Variants in TGIF1 observed in about 807,000 individuals in gnomAD.
TGIF1 encodes TGFB induced factor homeobox 1.
A neutral mutation model predicts 19.3 loss-of-function variants in TGIF1; 4 were observed. The observed-to-expected ratio is 0.21, with a 90% CI of 0.10 to 0.47. The LOEUF (loss-of-function observed/expected upper bound fraction) is 0.47, where lower values mean the gene tolerates loss of function less well. Ranked by LOEUF, TGIF1 falls within the 20% of genes least tolerant of loss-of-function variation. TGIF1 has a pLI of 0.98. For synonymous variants in TGIF1, 122 were observed against 129.3 expected, an observed-to-expected ratio of 0.94 and a Z score of 0.38; for missense variants, 275 against 341.4, an observed-to-expected ratio of 0.81 and a Z score of 1.53.
intron 2 of TGIF1, chr18:3,418,629 A>C (rs2082362386): frequency 6.6e-6 from 1 of 152,218 alleles, no homozygotes; most frequent in Non-Finnish European, 1.5e-5. Flanking sequence ...TTGAATCTGC[A>C]CATACAGAAC....
At chr18:3,445,544 G>A (rs1048160347), upstream of TGIF1, among the ~76,000 whole-genome samples, 3 of 151,296 alleles carry the variant, frequency 2.0e-5, no homozygotes, top group Non-Finnish European at 4.4e-5. Flanking sequence ...CTAACATGGT[G>A]AAACCCTGTC....
intron 1 of TGIF1, among the ~76,000 whole-genome samples, chr18:3,417,249 TC>T (rs1181361653): frequency 6.6e-6 from 1 of 152,140 alleles, no homozygotes; most frequent in African/African-American, 2.4e-5. Context: ...AACCTCCACT[TC>T]CCAGGTTCAA....
At chr18:3,449,615 G>A, upstream of TGIF1, 1 of 975,408 alleles carries the variant, frequency 1.0e-6, no homozygotes. Flanking sequence ...GGTGCGCCGC[G>A]CCGCGCCCGC....
In TGIF1 at chr18:3,450,457, C is replaced by A. The variant is rs238132; in HGVS notation, c.-33C>A. 240,339 of 1,554,452 alleles carry A rather than the reference C, an allele frequency of 0.15. 26,344 individuals carry two copies. The highest frequency in any genetic ancestry group is 0.58 in the African/African-American group (42,634 of 73,104). Reference sequence around the variant, plus strand: ...CCCGCTCCTGGCCCCTCCAGACCCCCGCCTTGCCTCGCGCTGGGAGGGGAG... The same window carrying A: ...CCCGCTCCTGGCCCCTCCAGACCCCAGCCTTGCCTCGCGCTGGGAGGGGAG... On this transcript the variant is annotated 5_prime_UTR_variant, in exon 1 of 3. Transcript: ENST00000343820.
At chr18:3,452,093 C>T (rs17852935) in intron 1 of TGIF1, 46 of 1,613,950 alleles carry the variant, frequency 2.9e-5, no homozygotes, top group Non-Finnish European at 3.8e-5. Flanking sequence ...CCGGGAATCC[C>T]CAGTGCTCCT....
At chr18:3,447,961 C>A (rs763343931), upstream of TGIF1, 7 of 878,892 alleles carry the variant, frequency 8.0e-6, no homozygotes, top group Non-Finnish European at 8.2e-6. Context: ...TTAGCCAAGT[C>A]CACTTGGACG....
intron 2 of TGIF1, among the ~76,000 whole-genome samples, chr18:3,437,874 G>T (rs557898987): frequency 6.6e-6 from 1 of 152,048 alleles, no homozygotes; most frequent in Non-Finnish European, 1.5e-5. Flanking sequence ...ACCTGAGGTC[G>T]GGAGTTCGAG....
rs1390743487 is a variant in TGIF1, at chr18:3,457,974, C to G, written c.*34C>G. On this transcript the variant is annotated 3_prime_UTR_variant, in exon 3 of 3. Coordinates refer to ENST00000343820, the MANE Select transcript of TGIF1 (RefSeq NM_003244.4). This position sits in a 1 kb window ranked among gnomAD's most constrained non-coding sequence, Gnocchi z 4.9. ...CAAGCAAAACAGTTCTCAGAAATGT[C>G]ATGATTGCCGGGGTGAAGGCAAGAG... 2 of 1,582,952 alleles carry G rather than the reference C, an allele frequency of 1.3e-6. No individual in the cohort carries two copies. Among genetic ancestry groups the G allele is most frequent in the Admixed American group, 3.3e-5 (2 of 59,958 alleles).
chr18:3,455,476 A>C (rs945987443), intron 1 of TGIF1: 52 of 152,202 alleles, frequency 3.4e-4, no homozygotes, highest in African/African-American at 1.1e-3. Context: ...TTTGTCATGT[A>C]ATCATTTAAG....
At chr18:3,437,999 G>A (rs576313415) in intron 2 of TGIF1, among the ~76,000 whole-genome samples, 24 of 152,062 alleles carry the variant, frequency 1.6e-4, no homozygotes, top group East Asian at 1.4e-3. Context: ...CAGGAGAATC[G>A]CTTGAACCCG....
At chr18:3,452,414 G>A (rs1359101622) in intron 1 of TGIF1, 22 of 1,612,834 alleles carry the variant, frequency 1.4e-5, no homozygotes, top group Non-Finnish European at 1.9e-5. Context: ...TTTGCGACTG[G>A]TTCAGGGCTC....
chr18:3,447,860 C>A, upstream of TGIF1: 1 of 1,586,426 alleles, frequency 6.3e-7, no homozygotes, highest in Admixed American at 1.7e-5. Flanking sequence ...TTGTCTCCGC[C>A]CCTCCCCCCT....
rs189835292 is a variant in TGIF1, at chr18:3,456,010, G to A, written c.17-344G>A. ...TTCCAACTGCCACAGCACCCTTCCT[G>A]TTTCAAATGTGGCAGGTTATTCATT... On this transcript the variant is annotated intron_variant, in intron 1 of 2. Coordinates refer to ENST00000343820, the MANE Select transcript of TGIF1 (RefSeq NM_003244.4). The surrounding 1 kb of genome is among the most constrained non-coding windows in gnomAD (Gnocchi z 4.2). 237 of 375,200 alleles carry A rather than the reference G, an allele frequency of 6.3e-4. No homozygotes were observed. The highest frequency in any genetic ancestry group is 4.8e-3 in the African/African-American group (232 of 47,972). 23.2% of individuals were successfully genotyped at this position (375,200 alleles called of 1,614,324 possible). A position where few individuals can be genotyped will look rare whatever the true frequency, so the allele number is the denominator to read the frequency against.
intron 1 of TGIF1, chr18:3,452,513 G>A: frequency 7.4e-7 from 1 of 1,356,220 alleles, no homozygotes; most frequent in Non-Finnish European, 1.0e-6. Flanking sequence ...GCAGGCCTCT[G>A]AGAAGGTGGG....
chr18:3,430,671 A>ATT (rs759165103), intron 2 of TGIF1, among the ~76,000 whole-genome samples: 180 of 130,352 alleles, frequency 1.4e-3, no homozygotes, highest in Middle Eastern at 8.4e-3. Flanking sequence ...CACCCGGCTA[A>ATT]TTTTTTTTTT....
chr18:3,427,057 C>T (rs2143168984), intron 2 of TGIF1, among the ~76,000 whole-genome samples: 2 of 152,050 alleles, frequency 1.3e-5, no homozygotes, highest in South Asian at 2.1e-4. Flanking sequence ...GATTCTCCTG[C>T]CTCAGCCTCC....
At chr18:3,440,653 A>C (rs2082669583) in intron 2 of TGIF1, among the ~76,000 whole-genome samples, 1 of 152,216 alleles carries the variant, frequency 6.6e-6, no homozygotes, top group Admixed American at 6.5e-5. Context: ...ATGCCTGCTC[A>C]GGTTTTTATA....
rs2083005789 is a variant in TGIF1, at chr18:3,452,521, G to A, written c.16+2016G>A. The A allele has an allele frequency of 7.6e-5, 98 of 1,291,408 alleles. 1 individual carries two copies. The South Asian group carries it at 1.2e-3, about 16-fold the overall frequency. 80.0% of individuals were successfully genotyped at this position (1,291,408 alleles called of 1,614,324 possible). ...GGGGTGGGCAGGCCTCTGAGAAGGT[G>A]GGATTCACGGCCTCATTTCTAGTTT... On this transcript the variant is annotated intron_variant, in intron 1 of 2. Transcript: ENST00000343820.
rs1269949615 is a variant in TGIF1, at chr18:3,450,464, C to T, written c.-26C>T. On this transcript the variant is annotated 5_prime_UTR_variant, in exon 1 of 3. Transcript: ENST00000343820. ...CTGGCCCCTCCAGACCCCCGCCTTG[C>T]CTCGCGCTGGGAGGGGAGATCCAGA... 3 of 1,556,126 alleles carry T rather than the reference C, an allele frequency of 1.9e-6. No homozygotes were observed. The highest frequency in any genetic ancestry group is 2.4e-5 in the East Asian group (1 of 41,152).
Sources: allele counts gnomAD v4.1 joint callset (sites outside exome capture counted in the v4.1 genomes callset), GRCh38; gene constraint gnomAD v4.1.1; non-coding constraint Gnocchi (gnomAD v3.1); transcripts MANE v1.5; gene names NCBI Gene and HGNC (gene_info 2026-07-23, HGNC 2026-07-21).